FDFT1: variants seen among roughly 807,000 people sequenced by gnomAD.
FDFT1 encodes squalene synthase.
FDFT1 carries 68 observed loss-of-function variants against 46.8 expected under a neutral mutation model. That is an observed-to-expected ratio of 1.45 (90% confidence interval 1.19 to 1.78). The LOEUF (loss-of-function observed/expected upper bound fraction) is 1.78. FDFT1 is among the 40% of genes most tolerant of loss of function. The pLI, the probability that FDFT1 is intolerant of heterozygous loss-of-function variation, is 0.00. For missense variants in FDFT1, 928 were observed against 524.4 expected (o/e 1.77, Z -7.52); for synonymous variants, 351 against 185.1 (o/e 1.90, Z -7.28).
chr8:11,838,604 C>A lies in FDFT1; in HGVS notation c.1249C>A (p.His417Asn), dbSNP rs772866170. Residue 417 changes from histidine to asparagine, a missense_variant, in exon 8 of 8, where the codon CAC becomes AAC. Coordinates refer to ENST00000220584, the MANE Select transcript of FDFT1 (RefSeq NM_004462.5). ...AGAAGACTATGTTCAGACTGGAGAA[C>A]ACTGATCCCAAATTTGTCCATAGCT... ...VTEDYVQTGE[H>N] is the part of the protein sequence containing the mutation. 2 of 1,612,184 alleles carry A rather than the reference C, an allele frequency of 1.2e-6. No homozygotes were observed. Among genetic ancestry groups the A allele is most frequent in the East Asian group, 2.2e-5 (1 of 44,878 alleles).
intron 3 of FDFT1, among the ~76,000 whole-genome samples, chr8:11,820,948 A>T (rs1052848158): frequency 6.6e-6 from 1 of 152,226 alleles, no homozygotes; most frequent in Admixed American, 6.5e-5. Context: ...CATCTTCTGC[A>T]TCGATCTTGC....
Position 11,809,026 on chromosome 8 carries a change from C to G in FDFT1, c.197+135C>G, listed in dbSNP as rs574986977. 22 of 1,389,578 alleles carry G rather than the reference C, an allele frequency of 1.6e-5. No homozygotes were observed. The South Asian group carries it at 2.8e-4, about 18-fold the overall frequency. The allele number at this position is 1,389,578 out of a possible 1,614,324, so 86.1% of individuals were successfully genotyped here. A position where few individuals can be genotyped will look rare whatever the true frequency, so the allele number is the denominator to read the frequency against. On this transcript the variant is annotated intron_variant, in intron 2 of 7. Transcript: ENST00000220584. ...GTGGCTTATCCAGAACATAGCCCGG[C>G]CCTACGTGTTTACTTTAGAAAGCCC...
intron 4 of FDFT1, among the ~76,000 whole-genome samples, chr8:11,824,245 T>C (rs916871255): frequency 2.0e-5 from 3 of 152,198 alleles, no homozygotes; most frequent in Non-Finnish European, 4.4e-5. Flanking sequence ...AATTATTGTA[T>C]GTGGATATTG....
Position 11,838,504 on chromosome 8 carries a change from C to A in FDFT1, c.1149C>A (p.Ser383=), listed in dbSNP as rs75684569. ...NCQLISRSHY[S]PIYLSFVMLL... ...AGCTGATTTCCCGAAGCCACTACTC[C>A]CCCATCTACCTGTCGTTTGTCATGC... Residue 383 remains serine (S), a synonymous_variant, in exon 8 of 8, where the codon TCC becomes TCA. Transcript: ENST00000220584. 1 of 1,606,996 alleles carries A rather than the reference C, an allele frequency of 6.2e-7. No individual in the cohort carries two copies. Among genetic ancestry groups the A allele is most frequent in the Non-Finnish European group, 8.5e-7 (1 of 1,175,798 alleles).
At chr8:11,813,960 T>C (rs1343583831) in intron 3 of FDFT1, among the ~76,000 whole-genome samples, 1 of 152,212 alleles carries the variant, frequency 6.6e-6, no homozygotes. Flanking sequence ...CTTTCTCCTG[T>C]ATATTTTTGT....
intron 1 of FDFT1, 85 bp from the exon 2 acceptor site, chr8:11,808,709 G>GTCCCAGTCCCACTCCCAC (rs1554517488): frequency 6.6e-7 from 1 of 1,513,754 alleles, no homozygotes; most frequent in Non-Finnish European, 8.9e-7. Context: ...GCCTGCCCCA[G>GTCCCAGTCCCACTCCCAC]TCCCACTCCC....
intron 1 of FDFT1, chr8:11,808,297 C>T (rs1158995176): frequency 2.4e-6 from 3 of 1,225,876 alleles, no homozygotes; most frequent in Non-Finnish European, 3.0e-6. Context: ...GCTGGGTTCC[C>T]TTAGCGGCCA....
chr8:11,809,587 T>C (rs971206478), intron 2 of FDFT1, 80 bp from the exon 3 acceptor site: 13 of 1,413,010 alleles, frequency 9.2e-6, no homozygotes, highest in Non-Finnish European at 1.2e-5. Flanking sequence ...GTTTAGAAAG[T>C]GGCCAGGCAC....
At chr8:11,832,237 C>T (rs58192053) in intron 7 of FDFT1, among the ~76,000 whole-genome samples, 3,889 of 146,940 alleles carry the variant, frequency 0.026, 172 homozygotes, top group African/African-American at 0.094. Flanking sequence ...TAGGTCAAAT[C>T]TCTAATATTT....
chr8:11,830,564 AC>A, intron 6 of FDFT1, 144 bp downstream of exon 6: 2 of 635,056 alleles, frequency 3.1e-6, no homozygotes, highest in Non-Finnish European at 5.4e-6. Flanking sequence ...GTTTCATAGC[AC>A]CCGCCTTTGC....
chr8:11,800,769 A>T (rs550552715), upstream of FDFT1, among the ~76,000 whole-genome samples: 50 of 152,320 alleles, frequency 3.3e-4, no homozygotes, highest in African/African-American at 1.2e-3. Context: ...CTTCTAAGAG[A>T]AGTTACTATT....
chr8:11,836,707 T>C (rs899008295), intron 7 of FDFT1, among the ~76,000 whole-genome samples: 3 of 152,266 alleles, frequency 2.0e-5, no homozygotes, highest in Non-Finnish European at 4.4e-5. Flanking sequence ...TAGAATTATC[T>C]CATCACTATA....
intron 1 of FDFT1, chr8:11,803,260 T>A: frequency 7.4e-7 from 1 of 1,348,768 alleles, no homozygotes; most frequent in Non-Finnish European, 9.7e-7. Flanking sequence ...TCTGAGGCAA[T>A]GTGGGTGGGT....
At chr8:11,837,303 T>C (rs1296566204) in intron 7 of FDFT1, among the ~76,000 whole-genome samples, 1 of 152,240 alleles carries the variant, frequency 6.6e-6, no homozygotes, top group South Asian at 2.1e-4. Flanking sequence ...TGATCTCGGA[T>C]CACTGCAACC....
intron 3 of FDFT1, among the ~76,000 whole-genome samples, chr8:11,816,541 C>G (rs755320076): frequency 2.6e-4 from 40 of 152,218 alleles, no homozygotes; most frequent in Admixed American, 2.6e-3. Context: ...TCTTTTATTT[C>G]ATTGAGCAGT....
At chr8:11,836,608 A>G (rs1166206166) in intron 7 of FDFT1, among the ~76,000 whole-genome samples, 6 of 152,392 alleles carry the variant, frequency 3.9e-5, no homozygotes, top group African/African-American at 1.2e-4. Flanking sequence ...AAATGGCTGC[A>G]TGCAAGCTTT....
intron 3 of FDFT1, among the ~76,000 whole-genome samples, chr8:11,818,660 TTTA>T (rs1808800546): frequency 6.6e-6 from 1 of 152,188 alleles, no homozygotes; most frequent in South Asian, 2.1e-4. Flanking sequence ...TAAAGTCTGT[TTTA>T]TTAGAGACTA....
intron 7 of FDFT1, among the ~76,000 whole-genome samples, chr8:11,834,269 C>T (rs1385598449): frequency 1.3e-5 from 2 of 152,212 alleles, no homozygotes; most frequent in African/African-American, 2.4e-5. Flanking sequence ...CTGCAGGGCC[C>T]TCACCCCACT....
intron 7 of FDFT1, among the ~76,000 whole-genome samples, chr8:11,837,623 G>C (rs1036535334): frequency 6.6e-6 from 1 of 152,138 alleles, no homozygotes; most frequent in African/African-American, 2.4e-5. Flanking sequence ...GTGGCCTTGC[G>C]CTACACATTA....
Sources: allele counts gnomAD v4.1 joint callset (sites outside exome capture counted in the v4.1 genomes callset), GRCh38; gene constraint gnomAD v4.1.1; transcripts MANE v1.5; gene names NCBI Gene and HGNC (gene_info 2026-07-23, HGNC 2026-07-21).